The following NOA1 variants were observed in gnomAD, a reference collection of about 807,000 sequenced individuals.
The protein encoded by NOA1 is nitric oxide associated 1.
In NOA1, 35 loss-of-function variants were observed where a neutral mutation model predicts 58.4. That is an observed-to-expected ratio of 0.60 (90% CI 0.46 to 0.79). The LOEUF (loss-of-function observed/expected upper bound fraction) is 0.79. Among genes scored for constraint, NOA1 ranks in the 30% least tolerant of loss-of-function variants. The pLI, the probability that NOA1 is intolerant of heterozygous loss-of-function variation, is 0.00. For missense variants in NOA1, 895 were observed against 894.6 expected, an observed-to-expected ratio of 1.00 and a Z score of -0.01; for synonymous variants, 397 against 373.4, an observed-to-expected ratio of 1.06 and a Z score of -0.73.
At chr4:56,965,853 T>TTTTTTA (rs1560463381) in intron 5 of NOA1, among the ~76,000 whole-genome samples, 1 of 148,266 alleles carries the variant, frequency 6.7e-6, no homozygotes. Context: ...TTTTTTTTTT[T>TTTTTTA]AGAGACAGGG....
intron 1 of NOA1, among the ~76,000 whole-genome samples, chr4:56,975,920 GCCTCGAATC>G (rs1056082903): frequency 7.9e-5 from 12 of 152,020 alleles, no homozygotes; most frequent in Non-Finnish European, 1.6e-4. Flanking sequence ...GGTGGCGCAT[GCCTCGAATC>G]CCAGCTACTA....
chr4:56,967,773 C>T (rs943725328), intron 4 of NOA1, among the ~76,000 whole-genome samples: 1 of 151,986 alleles, frequency 6.6e-6, no homozygotes, highest in South Asian at 2.1e-4. Flanking sequence ...TGACTTTATC[C>T]CATAGGTTTG....
chr4:56,968,549 C>A (rs778468741), intron 3 of NOA1, 34 bp from the exon 4 acceptor site: 2 of 1,465,746 alleles, frequency 1.4e-6, no homozygotes, highest in Non-Finnish European at 1.9e-6. Flanking sequence ...TAAGAAAATA[C>A]TTTTATTGAA....
At position 56,977,375 on chromosome 4, in the gene NOA1, G is replaced by C. The variant is rs761746203; in HGVS notation, c.211C>G (p.Arg71Gly). The change falls in exon 1 of 7, where the codon CGT becomes GGT. Residue 71 changes from arginine (R) to glycine (G), a missense_variant. Physicochemically the swap from Arg to Gly is moderately radical, Grantham distance 125. Around this residue, in one of 3 missense-constraint regions of NOA1, gnomAD observed 680 missense variants for 656.5 expected, o/e 1.04. Coordinates refer to ENST00000264230, the MANE Select transcript of NOA1 (RefSeq NM_032313.4). ...GFGEGGDMQE[R>G]FLFPEYILDP... ...AGGATGTACTCCGGGAACAGAAAAC[G>C]CTCCTGCATGTCACCACCTTCTCCA... 1.9e-6 allele frequency: 3 copies of C among 1,614,188 alleles called. No individual in the cohort carries two copies. In the South Asian group the frequency reaches 3.3e-5, roughly 18 times the overall value.
chr4:56,970,409 T>C (rs1721791012), intron 3 of NOA1, among the ~76,000 whole-genome samples: 1 of 151,296 alleles, frequency 6.6e-6, no homozygotes, highest in South Asian at 2.1e-4. Flanking sequence ...ACTTTGAAGT[T>C]ACTTGATCAC....
intron 1 of NOA1, 41 bp downstream of exon 1, chr4:56,976,401 C>G (rs1177160581): frequency 6.4e-7 from 1 of 1,567,648 alleles, no homozygotes; most frequent in African/African-American, 1.4e-5. Context: ...CAGACGTCCA[C>G]CTTGCCAGGA....
intron 3 of NOA1, among the ~76,000 whole-genome samples, chr4:56,969,757 G>A (rs896361140): frequency 4.6e-5 from 7 of 152,050 alleles, no homozygotes; most frequent in Non-Finnish European, 8.8e-5. Flanking sequence ...CAGAGGCAGC[G>A]GCAGGCAGAT....
intron 3 of NOA1, among the ~76,000 whole-genome samples, chr4:56,971,890 CTTT>C (rs71657244): frequency 6.4e-5 from 9 of 140,558 alleles, no homozygotes; most frequent in Admixed American, 7.1e-5. Context: ...TAATGCTATT[CTTT>C]TTTTTTTTTT....
At chr4:56,970,419 C>T (rs1299131777) in intron 3 of NOA1, among the ~76,000 whole-genome samples, 1 of 151,260 alleles carries the variant, frequency 6.6e-6, no homozygotes, top group African/African-American at 2.4e-5. Flanking sequence ...TACTTGATCA[C>T]GCCACTGCAT....
At chr4:56,973,052 G>T (rs1721834415) in intron 3 of NOA1, 96 bp downstream of exon 3, 2 of 1,051,610 alleles carry the variant, frequency 1.9e-6, no homozygotes, top group Non-Finnish European at 2.9e-6. Flanking sequence ...CAATTCCCCT[G>T]TCTTGATAAA....
At chr4:56,967,230 A>C (rs2109614394) in intron 4 of NOA1, among the ~76,000 whole-genome samples, 1 of 151,998 alleles carries the variant, frequency 6.6e-6, no homozygotes, top group Middle Eastern at 3.4e-3. Context: ...AAATACAAAA[A>C]TTAGCTGGGT....
intron 3 of NOA1, among the ~76,000 whole-genome samples, chr4:56,971,852 A>G (rs1721816475): frequency 6.6e-6 from 1 of 152,102 alleles, no homozygotes; most frequent in Non-Finnish European, 1.5e-5. Flanking sequence ...TGGATAAAAG[A>G]GAGGCATAGG....
In NOA1 at chr4:56,963,415, A is replaced by G. The variant is rs1386482876; in HGVS notation, c.*35T>C. On this transcript the variant is annotated 3_prime_UTR_variant, in exon 7 of 7. Coordinates refer to ENST00000264230, the MANE Select transcript of NOA1 (RefSeq NM_032313.4). Reference sequence around the variant, plus strand: ...AAATTCAATGTATTTTGTTGTGTTCAATACAGTTAATATCTGGAGTGAACA... The same window carrying G: ...AAATTCAATGTATTTTGTTGTGTTCGATACAGTTAATATCTGGAGTGAACA... 1 of 1,491,466 alleles carries G rather than the reference A, an allele frequency of 6.7e-7. No homozygotes were observed. Among genetic ancestry groups the G allele is most frequent in the Non-Finnish European group, 9.4e-7 (1 of 1,069,234 alleles). The allele number at this position is 1,491,466 out of a possible 1,614,324, so 92.4% of individuals were successfully genotyped here.
At chr4:56,972,248 A>G (rs1721823703) in intron 3 of NOA1, among the ~76,000 whole-genome samples, 1 of 152,188 alleles carries the variant, frequency 6.6e-6, no homozygotes, top group African/African-American at 2.4e-5. Flanking sequence ...GTCACACTTT[A>G]AGAACAAACA....
chr4:56,963,900 C>T (rs1323741263), intron 6 of NOA1, among the ~76,000 whole-genome samples: 1 of 151,356 alleles, frequency 6.6e-6, no homozygotes, highest in East Asian at 1.9e-4. Flanking sequence ...GGTGGACACA[C>T]CTTAGTTTTA....
Position 56,976,779 on chromosome 4 carries a change from C to T in NOA1, c.807G>A (p.Trp269Ter), listed in dbSNP as rs775818422. ...GGAGCCCGGCGCGGGCACAGTCCTC[C>T]CACAGTCGCTCCCGCAGCCTCTGCC... ...GYRQRLRERL[W>*]EDCARAGLLL... is the part of the protein sequence containing the mutation. Residue 269 changes from tryptophan to a stop codon, truncating the protein, a stop_gained, in exon 1 of 7, where the codon TGG becomes TGA. Coordinates refer to ENST00000264230, the MANE Select transcript of NOA1 (RefSeq NM_032313.4). LOFTEE classifies it high-confidence loss of function. 1.2e-6 allele frequency: 2 copies of T among 1,610,568 alleles called. No individual in the cohort carries two copies. The highest frequency in any genetic ancestry group is 3.3e-5 in the Admixed American group (2 of 59,936).
At chr4:56,976,331 G>C in intron 1 of NOA1, 111 bp downstream of exon 1, 1 of 878,750 alleles carries the variant, frequency 1.1e-6, no homozygotes, top group Non-Finnish European at 1.7e-6. Context: ...GTAAAGGGAA[G>C]GGTACAGGCA....
In NOA1 at chr4:56,976,580, G is replaced by C; in HGVS notation, c.1006C>G (p.Arg336Gly). 6.2e-7 allele frequency: 1 copy of C among 1,614,220 alleles called. No individual in the cohort carries two copies. The highest frequency in any genetic ancestry group is 8.5e-7 in the Non-Finnish European group (1 of 1,180,040). ...ELISALQRSW[R>G]YRGDVYLVGA... ...ACTAAGTAGACGTCCCCACGGTAGC[G>C]CCAGGAGCGCTGAAGGGCAGAGATC... Residue 336 changes from arginine to glycine, a missense_variant, in exon 1 of 7, where the codon CGC (arginine) becomes GGC (glycine). By Grantham distance (125) the Arg-to-Gly change is moderately radical (BLOSUM62 -2). Transcript: ENST00000264230.
In NOA1 at chr4:56,977,282, C is replaced by T. The variant is rs772922059; in HGVS notation, c.304G>A (p.Glu102Lys). 1.2e-6 allele frequency: 2 copies of T among 1,612,668 alleles called. No homozygotes were observed. The highest frequency in any genetic ancestry group is 1.1e-5 in the South Asian group (1 of 91,000). The change falls in exon 1 of 7, where the codon GAG becomes AAG. Residue 102 changes from glutamate to lysine, a missense_variant. Around this residue, in one of 3 missense-constraint regions of NOA1, gnomAD observed 680 missense variants for 656.5 expected, o/e 1.04. Coordinates refer to ENST00000264230, the MANE Select transcript of NOA1 (RefSeq NM_032313.4). ...TCCCGCCGCTGCTGCCTCTGTCGCT[C>T]CTCCTCCTCCTGCTGTTGCTGGAGC... ...QELQQQQEEE[E>K]RQRQQRREER...
Sources: gnomAD v4.1 joint callset for allele counts (sites outside exome capture counted in the v4.1 genomes callset) on GRCh38, gnomAD v4.1.1 for gene constraint, gnomAD v4.1.1 regional missense constraint, MANE v1.5 for transcripts, NCBI Gene and HGNC (gene_info 2026-07-23, HGNC 2026-07-21) for gene names.